MYO5A: variants seen among roughly 807,000 people sequenced by gnomAD.
MYO5A encodes unconventional myosin-Va.
MYO5A carries 98 observed loss-of-function variants against 249.7 expected under a neutral mutation model. That is an observed-to-expected ratio of 0.39 (90% CI 0.33 to 0.46). MYO5A has a LOEUF of 0.46. Ranked by LOEUF, MYO5A falls within the 20% of genes least tolerant of loss-of-function variation. The probability of loss-of-function intolerance (pLI) is 0.98; values close to 1 mark genes in which losing one functional copy is unlikely to be tolerated. For synonymous variants in MYO5A, 778 were observed against 810.6 expected, an observed-to-expected ratio of 0.96 and a Z score of 0.68; for missense variants, 1,696 against 2,308.8, an observed-to-expected ratio of 0.73 and a Z score of 5.44.
chr15:52,453,807 T>C (rs780235897), intron 1 of MYO5A, among the ~76,000 whole-genome samples: 1 of 152,030 alleles, frequency 6.6e-6, no homozygotes, highest in Non-Finnish European at 1.5e-5. Context: ...TAACTTATTA[T>C]ATCTATAAGA....
At chr15:52,365,156 C>T (rs1286522033) in intron 23 of MYO5A, among the ~76,000 whole-genome samples, 5 of 152,310 alleles carry the variant, frequency 3.3e-5, no homozygotes, top group Non-Finnish European at 5.9e-5. Context: ...CCCGGTTGTC[C>T]TACTCTACAG....
chr15:52,440,966 T>C (rs2075773470), intron 1 of MYO5A, among the ~76,000 whole-genome samples: 1 of 152,162 alleles, frequency 6.6e-6, no homozygotes, highest in Non-Finnish European at 1.5e-5. Flanking sequence ...CAAAAATGAG[T>C]GCTTTATGTC....
chr15:52,440,933 C>T (rs1356533141), intron 1 of MYO5A, among the ~76,000 whole-genome samples: 2 of 152,176 alleles, frequency 1.3e-5, no homozygotes, highest in Admixed American at 6.5e-5. Flanking sequence ...GGCTCACTTT[C>T]GATAGCCCAT....
intron 1 of MYO5A, among the ~76,000 whole-genome samples, chr15:52,476,924 A>G (rs11855290): frequency 0.15 from 22,642 of 152,016 alleles, 1,803 homozygotes; most frequent in Middle Eastern, 0.22. Flanking sequence ...TATTTCCTGA[A>G]TTTGAATGTT....
chr15:52,529,003 C>T (rs1240439547), upstream of MYO5A: 1 of 287,572 alleles, frequency 3.5e-6, no homozygotes, highest in African/African-American at 2.3e-5. Context: ...CTCGCCATCA[C>T]TCCCGGGCTC....
intron 1 of MYO5A, among the ~76,000 whole-genome samples, chr15:52,470,228 C>T (rs990316888): frequency 6.6e-6 from 1 of 152,152 alleles, no homozygotes; most frequent in East Asian, 1.9e-4. Context: ...GTTCTTATGA[C>T]CCCCTGATCT....
intron 40 of MYO5A, among the ~76,000 whole-genome samples, chr15:52,314,713 T>G (rs1178269292): frequency 6.6e-6 from 1 of 152,174 alleles, no homozygotes; most frequent in Admixed American, 6.5e-5. Flanking sequence ...ATAAATAACA[T>G]GAATAACAAA....
In MYO5A at chr15:52,423,354, C is replaced by T. The variant is rs1326584066; in HGVS notation, c.455+2476G>A. Among the ~76,000 whole-genome samples, 8 of 151,856 alleles carry T rather than the reference C, an allele frequency of 5.3e-5. No individual in the cohort carries two copies. In the East Asian group the frequency reaches 5.8e-4, roughly 11 times the overall value. ...GATCACGAGGTCAGGAGATAGAGAC[C>T]AACCTGGCTAACACAGTGAAACCCC... is the stretch of plus-strand genomic sequence containing the variant. On this transcript the variant is annotated intron_variant, in intron 4 of 41. Coordinates refer to ENST00000399233, the MANE Select transcript of MYO5A (RefSeq NM_001382347.1).
At chr15:52,466,784 C>G (rs1418121950) in intron 1 of MYO5A, among the ~76,000 whole-genome samples, 1 of 152,164 alleles carries the variant, frequency 6.6e-6, no homozygotes, top group African/African-American at 2.4e-5. Context: ...GATCCAGGCC[C>G]CTGGGGGTTC....
intron 1 of MYO5A, among the ~76,000 whole-genome samples, chr15:52,480,672 G>C (rs1229761337): frequency 6.6e-6 from 1 of 152,200 alleles, no homozygotes; most frequent in Non-Finnish European, 1.5e-5. Flanking sequence ...AACACAACTT[G>C]GTTTCCCACA....
At chr15:52,445,218 C>G (rs2075863501) in intron 1 of MYO5A, among the ~76,000 whole-genome samples, 1 of 152,080 alleles carries the variant, frequency 6.6e-6, no homozygotes. Flanking sequence ...ATAGTGAGTT[C>G]TCGTGAGATC....
chr15:52,418,744 AAGAG>A (rs918497970), intron 4 of MYO5A, among the ~76,000 whole-genome samples: 9 of 148,656 alleles, frequency 6.1e-5, no homozygotes, highest in Admixed American at 2.0e-4. Flanking sequence ...GAAAGAGAGA[AAGAG>A]AGAGAGACAG....
chr15:52,375,545 G>A (rs2041367072), intron 19 of MYO5A, 85 bp from the exon 20 acceptor site: 4 of 1,400,866 alleles, frequency 2.9e-6, no homozygotes, highest in East Asian at 4.7e-5. Context: ...GAGTGTCACT[G>A]TTTTAGGCAT....
At chr15:52,378,945 C>A (rs1375699712) in intron 18 of MYO5A, among the ~76,000 whole-genome samples, 1 of 152,162 alleles carries the variant, frequency 6.6e-6, no homozygotes, top group Non-Finnish European at 1.5e-5. Flanking sequence ...AACTCTTTAG[C>A]CTGGTCTGCA....
chr15:52,359,180 A>G (rs191301853), intron 25 of MYO5A, among the ~76,000 whole-genome samples: 164 of 152,358 alleles, frequency 1.1e-3, no homozygotes, highest in African/African-American at 3.6e-3. Context: ...AACTAAGACA[A>G]GAAAGGAAAG....
chr15:52,336,113 G>A (rs2039106974), intron 34 of MYO5A, among the ~76,000 whole-genome samples: 1 of 152,176 alleles, frequency 6.6e-6, no homozygotes, highest in African/African-American at 2.4e-5. Context: ...AATATCATAT[G>A]ATTAATAAGT....
chr15:52,438,087 A>G, intron 1 of MYO5A: 1 of 983,886 alleles, frequency 1.0e-6, no homozygotes, highest in Non-Finnish European at 1.2e-6. Flanking sequence ...CTCTGCAGAA[A>G]CAACTATGCC....
chr15:52,342,497 T>C (rs931524292), intron 31 of MYO5A, among the ~76,000 whole-genome samples: 1 of 152,218 alleles, frequency 6.6e-6, no homozygotes, highest in Non-Finnish European at 1.5e-5. Context: ...AATTGAAAGA[T>C]TATGTTTTTC....
intron 38 of MYO5A, among the ~76,000 whole-genome samples, chr15:52,319,785 CA>C (rs1158981175): frequency 4.6e-5 from 7 of 152,138 alleles, no homozygotes; most frequent in Non-Finnish European, 1.0e-4. Context: ...AACTTCACTA[CA>C]AAAGGGCTTC....
Sources: gnomAD v4.1 joint callset for allele counts (sites outside exome capture counted in the v4.1 genomes callset) on GRCh38, gnomAD v4.1.1 for gene constraint, MANE v1.5 for transcripts, NCBI Gene and HGNC (gene_info 2026-07-23, HGNC 2026-07-21) for gene names.